The following PARD3 variants were observed in gnomAD, a reference collection of about 807,000 sequenced individuals.
PARD3 encodes the protein partitioning defective 3 homolog.
In PARD3, 75 loss-of-function variants were observed where a neutral mutation model predicts 155.4. That is an observed-to-expected ratio of 0.48 (90% CI 0.40 to 0.58). PARD3 has a LOEUF of 0.58. Among genes scored for constraint, PARD3 ranks in the 20% least tolerant of loss-of-function variants. PARD3 has a pLI of 0.00. For missense variants in PARD3, 1,642 were observed against 1,721.7 expected, an observed-to-expected ratio of 0.95 and a Z score of 0.82; for synonymous variants, 576 against 610.5, an observed-to-expected ratio of 0.94 and a Z score of 0.83.
At chr10:34,768,819 A>G (rs1838462980) in intron 1 of PARD3, among the ~76,000 whole-genome samples, 3 of 152,318 alleles carry the variant, frequency 2.0e-5, no homozygotes, top group Middle Eastern at 3.4e-3. Context: ...CCCTGCACAC[A>G]TGCCACTCCC....
At chr10:34,123,659 T>A (rs1480079510) in intron 23 of PARD3, among the ~76,000 whole-genome samples, 1 of 152,142 alleles carries the variant, frequency 6.6e-6, no homozygotes, top group Non-Finnish European at 1.5e-5. Context: ...GGTCTTGAAC[T>A]CCTGCTCTCA....
At chr10:34,183,002 T>C (rs1349545203) in intron 22 of PARD3, among the ~76,000 whole-genome samples, 6 of 152,148 alleles carry the variant, frequency 3.9e-5, no homozygotes, top group Non-Finnish European at 8.8e-5. Context: ...AAATACATGA[T>C]AGAGAAGAAA....
intron 21 of PARD3, among the ~76,000 whole-genome samples, chr10:34,282,065 G>A (rs1956183987): frequency 3.5e-5 from 5 of 143,868 alleles, no homozygotes; most frequent in African/African-American, 7.7e-5. Flanking sequence ...AGAACAGAAA[G>A]AACGACATAT....
chr10:34,225,977 A>G (rs1421389257), intron 22 of PARD3, among the ~76,000 whole-genome samples: 3 of 152,194 alleles, frequency 2.0e-5, no homozygotes, highest in Non-Finnish European at 4.4e-5. Context: ...CTTGGGCATT[A>G]AAAAAATAAA....
chr10:34,715,135 T>C (rs2094501619), intron 1 of PARD3, among the ~76,000 whole-genome samples: 1 of 151,078 alleles, frequency 6.6e-6, no homozygotes, highest in African/African-American at 2.4e-5. Context: ...TGGAGCACAG[T>C]GGTGCTATCA....
chr10:34,465,289 AT>A (rs2077937699), intron 4 of PARD3, among the ~76,000 whole-genome samples: 1 of 152,156 alleles, frequency 6.6e-6, no homozygotes. Context: ...TACCGTACAT[AT>A]GCAAAGAGCA....
At chr10:34,524,786 C>G (rs1050994170) in intron 2 of PARD3, among the ~76,000 whole-genome samples, 1 of 152,134 alleles carries the variant, frequency 6.6e-6, no homozygotes, top group African/African-American at 2.4e-5. Flanking sequence ...TAATCACATA[C>G]AGATAGGTTG....
At chr10:34,229,875 C>T (rs1159034932) in intron 22 of PARD3, among the ~76,000 whole-genome samples, 1 of 152,032 alleles carries the variant, frequency 6.6e-6, no homozygotes, top group East Asian at 1.9e-4. Flanking sequence ...TTTTATTCAT[C>T]CAATTTGTGC....
chr10:34,265,385 T>C (rs976969990), intron 22 of PARD3, among the ~76,000 whole-genome samples: 2 of 152,192 alleles, frequency 1.3e-5, no homozygotes, highest in African/African-American at 2.4e-5. Flanking sequence ...GGCTACCAGA[T>C]CCATATTTCT....
At chr10:34,781,785 A>T (rs1036456152) in intron 1 of PARD3, among the ~76,000 whole-genome samples, 1 of 152,248 alleles carries the variant, frequency 6.6e-6, no homozygotes, top group African/African-American at 2.4e-5. Flanking sequence ...TAGAACACAC[A>T]GTTCTGTGGG....
intron 18 of PARD3, among the ~76,000 whole-genome samples, chr10:34,333,594 C>T (rs529068570): frequency 6.6e-6 from 1 of 152,024 alleles, no homozygotes; most frequent in South Asian, 2.1e-4. Context: ...AAAAATTATA[C>T]AAAATGTCAA....
At chr10:34,334,840 A>C (rs930640409) in intron 18 of PARD3, among the ~76,000 whole-genome samples, 9 of 151,976 alleles carry the variant, frequency 5.9e-5, no homozygotes, top group Non-Finnish European at 1.0e-4. Context: ...TTTCCATGAA[A>C]GTTATCTAAC....
intron 2 of PARD3, among the ~76,000 whole-genome samples, chr10:34,679,703 G>A (rs544267834): frequency 1.7e-4 from 26 of 152,260 alleles, no homozygotes; most frequent in African/African-American, 6.3e-4. Flanking sequence ...AAAGGCAACA[G>A]GAACATCTTT....
intron 2 of PARD3, among the ~76,000 whole-genome samples, chr10:34,599,034 G>A (rs375985486): frequency 2.6e-5 from 4 of 151,970 alleles, no homozygotes; most frequent in East Asian, 1.9e-4. Context: ...CAGCTAAACT[G>A]ACCCAATCAA....
chr10:34,376,069 T>C (rs1841203974), intron 10 of PARD3, among the ~76,000 whole-genome samples: 1 of 152,140 alleles, frequency 6.6e-6, no homozygotes, highest in Non-Finnish European at 1.5e-5. Context: ...AAAAAAAATC[T>C]AGACAATTAA....
chr10:34,515,186 T>C (rs1328765656), intron 3 of PARD3, among the ~76,000 whole-genome samples: 1 of 152,214 alleles, frequency 6.6e-6, no homozygotes, highest in Non-Finnish European at 1.5e-5. Context: ...GTGTACCACC[T>C]GCACATCATT....
chr10:34,483,564 T>C (rs2079240825), intron 3 of PARD3, among the ~76,000 whole-genome samples: 1 of 152,100 alleles, frequency 6.6e-6, no homozygotes, highest in Non-Finnish European at 1.5e-5. Flanking sequence ...AATATTGCTT[T>C]TCCTCATATA....
chr10:34,265,914 G>A (rs1356595410), intron 22 of PARD3, among the ~76,000 whole-genome samples: 1 of 152,198 alleles, frequency 6.6e-6, no homozygotes, highest in Admixed American at 6.5e-5. Flanking sequence ...ACAGAGAAAA[G>A]GGATGGGCAA....
At chr10:34,562,928 C>A (rs747560022) in intron 2 of PARD3, among the ~76,000 whole-genome samples, 3 of 151,900 alleles carry the variant, frequency 2.0e-5, no homozygotes, top group East Asian at 3.9e-4. Context: ...TGTGTCACCA[C>A]GCCTGGCTAA....
Sources: gnomAD v4.1 joint callset for allele counts (sites outside exome capture counted in the v4.1 genomes callset) on GRCh38, gnomAD v4.1.1 for gene constraint, MANE v1.5 for transcripts, NCBI Gene and HGNC (gene_info 2026-07-23, HGNC 2026-07-21) for gene names.